Variants in UBQLN1 observed in about 807,000 individuals in gnomAD.
UBQLN1 encodes ubiquilin 1, also known as ubiquilin-1.
In UBQLN1, 13 loss-of-function variants were observed where a neutral mutation model predicts 65.4. The observed-to-expected ratio is 0.20, with a 90% CI of 0.13 to 0.32. UBQLN1 has a LOEUF of 0.32. UBQLN1 is among the 10% of genes least tolerant of loss of function. UBQLN1 has a pLI of 1.00. For synonymous variants in UBQLN1, 267 were observed against 247.8 expected (o/e 1.08, Z -0.73); for missense variants, 561 against 724.0 (o/e 0.77, Z 2.58).
chr9:83,690,026 G>A lies in UBQLN1; in HGVS notation c.181-3871C>T, dbSNP rs1043370027. 5.9e-5 allele frequency among the ~76,000 whole-genome samples: 9 copies of A among 152,298 alleles called. 1 individual carries two copies. Among genetic ancestry groups the A allele is most frequent in the Non-Finnish European group, 1.2e-4 (8 of 68,020 alleles). Reference sequence around the variant, plus strand: ...AGCAACTGGAAACCACACACACTGTGGGTACAAGTATAAATCAGTACATTT... The same window carrying A: ...AGCAACTGGAAACCACACACACTGTAGGTACAAGTATAAATCAGTACATTT... On this transcript the variant is annotated intron_variant, in intron 1 of 10. Coordinates refer to ENST00000376395, the MANE Select transcript of UBQLN1 (RefSeq NM_013438.5).
At chr9:83,687,527 CAAG>C (rs529571828) in intron 1 of UBQLN1, among the ~76,000 whole-genome samples, 22 of 152,232 alleles carry the variant, frequency 1.4e-4, no homozygotes, top group Admixed American at 1.3e-3. Flanking sequence ...AAATTGCTGC[CAAG>C]AAGGTGTTTT....
At chr9:83,685,537 GC>G (rs1832025818) in intron 2 of UBQLN1, among the ~76,000 whole-genome samples, 2 of 151,480 alleles carry the variant, frequency 1.3e-5, no homozygotes, top group African/African-American at 4.9e-5. Context: ...GGACACTGTG[GC>G]ACGCACCTAC....
chr9:83,663,455 T>C (rs1831594962), intron 10 of UBQLN1, among the ~76,000 whole-genome samples: 1 of 152,050 alleles, frequency 6.6e-6, no homozygotes, highest in African/African-American at 2.4e-5. Context: ...GGAGTTAAGG[T>C]AGTTAGGACT....
Position 83,686,168 on chromosome 9 carries a change from A to G in UBQLN1, c.181-13T>C. On this transcript the variant is annotated splice_polypyrimidine_tract_variant and intron_variant, in intron 1 of 10. Transcript: ENST00000376395. ...TTTCTTCCTTAAACTAAATAAAAAT[A>G]AAATAAGTATGTATTACAGTTGTTT... 1.3e-6 allele frequency: 2 copies of G among 1,507,298 alleles called. No individual in the cohort carries two copies. Among genetic ancestry groups the G allele is most frequent in the Non-Finnish European group, 1.8e-6 (2 of 1,116,770 alleles). 93.4% of individuals were successfully genotyped at this position (1,507,298 alleles called of 1,614,324 possible).
At chr9:83,705,950 T>C (rs1057200772) in intron 1 of UBQLN1, among the ~76,000 whole-genome samples, 2 of 149,228 alleles carry the variant, frequency 1.3e-5, no homozygotes, top group Non-Finnish European at 3.0e-5. Context: ...AAAAAAAAAC[T>C]GGGTGGTTGA....
At chr9:83,670,553 A>C (rs77214744) in intron 6 of UBQLN1, among the ~76,000 whole-genome samples, 2 of 151,986 alleles carry the variant, frequency 1.3e-5, no homozygotes, top group African/African-American at 4.8e-5. Flanking sequence ...CTAAAAAAAA[A>C]CTCTGCACAT....
chr9:83,679,635 TGTTGA>T (rs1831907064), intron 4 of UBQLN1, 135 bp downstream of exon 4: 2 of 866,212 alleles, frequency 2.3e-6, no homozygotes, highest in East Asian at 2.7e-5. Context: ...ATTAGCGCTT[TGTTGA>T]GTTTTCTTAA....
chr9:83,670,728 G>A (rs1277912553), intron 6 of UBQLN1, among the ~76,000 whole-genome samples: 1 of 152,150 alleles, frequency 6.6e-6, no homozygotes, highest in Non-Finnish European at 1.5e-5. Context: ...ATTTACCACA[G>A]CAGAACTTTC....
At chr9:83,704,001 C>T (rs765667428) in intron 1 of UBQLN1, among the ~76,000 whole-genome samples, 10 of 152,160 alleles carry the variant, frequency 6.6e-5, no homozygotes, top group Non-Finnish European at 1.2e-4. Context: ...AAGGAATCTA[C>T]ATTACATAGA....
At chr9:83,689,086 T>C (rs1023854902) in intron 1 of UBQLN1, among the ~76,000 whole-genome samples, 2 of 152,170 alleles carry the variant, frequency 1.3e-5, no homozygotes, top group African/African-American at 4.8e-5. Flanking sequence ...CACCCACCTA[T>C]GGCTCATCAC....
intron 1 of UBQLN1, among the ~76,000 whole-genome samples, chr9:83,697,387 C>T (rs1832234634): frequency 6.6e-6 from 1 of 150,840 alleles, no homozygotes; most frequent in African/African-American, 2.4e-5. Flanking sequence ...CCCGTCTCTA[C>T]TAAAAATACA....
chr9:83,670,880 C>T (rs1355079362), intron 6 of UBQLN1, among the ~76,000 whole-genome samples: 1 of 152,204 alleles, frequency 6.6e-6, no homozygotes, highest in Non-Finnish European at 1.5e-5. Context: ...ACTCTTTGCT[C>T]ATCTACAAAA....
chr9:83,676,764 T>C (rs10868038), intron 6 of UBQLN1, among the ~76,000 whole-genome samples: 39,916 of 152,134 alleles, frequency 0.26, 6,511 homozygotes, highest in East Asian at 0.8. Context: ...TTTTAAAACA[T>C]GCCCAGTCTA....
At position 83,661,662 on chromosome 9, in the gene UBQLN1, A is replaced by G; in HGVS notation, c.*125T>C. On this transcript the variant is annotated 3_prime_UTR_variant, in exon 11 of 11. Coordinates refer to ENST00000376395, the MANE Select transcript of UBQLN1 (RefSeq NM_013438.5). ...CTTACTGTACTCCACCTTAAAATGC[A>G]TCATATTGGGTTTGTTTATAACAGC... is the stretch of plus-strand genomic sequence containing the variant. The G allele has an allele frequency of 7.7e-6, 8 of 1,043,886 alleles. No homozygotes were observed. Among genetic ancestry groups the G allele is most frequent in the Non-Finnish European group, 9.4e-6 (7 of 748,390 alleles). The allele number at this position is 1,043,886 out of a possible 1,614,324, so 64.7% of individuals were successfully genotyped here. A position where few individuals can be genotyped will look rare whatever the true frequency, so the allele number is the denominator to read the frequency against.
At chr9:83,669,449 T>TATA in intron 6 of UBQLN1, 122 bp from the exon 7 acceptor site, 3 of 919,502 alleles carry the variant, frequency 3.3e-6, no homozygotes, top group South Asian at 2.0e-5. Context: ...ACATATTATG[T>TATA]ATCAACTGAA....
intron 2 of UBQLN1, among the ~76,000 whole-genome samples, chr9:83,683,654 GAGATGGAGGT>G (rs1456421533): frequency 8.5e-5 from 13 of 152,270 alleles, no homozygotes; most frequent in Middle Eastern, 3.4e-3. Context: ...GCTTATGTAA[GAGATGGAGGT>G]AGGTTATCTC....
intron 1 of UBQLN1, among the ~76,000 whole-genome samples, chr9:83,696,668 G>A (rs575153855): frequency 6.5e-4 from 98 of 151,892 alleles, no homozygotes; most frequent in African/African-American, 2.2e-3. Flanking sequence ...ATCCCAACTA[G>A]GTACAAAATA....
chr9:83,666,625 G>C (rs999107370), intron 7 of UBQLN1, 192 bp from the exon 8 acceptor site: 1 of 497,850 alleles, frequency 2.0e-6, no homozygotes, highest in African/African-American at 1.9e-5. Context: ...ACAAAAAAAT[G>C]AGGCATATTC....
chr9:83,672,204 A>T (rs1431905901), intron 6 of UBQLN1, among the ~76,000 whole-genome samples: 1 of 152,166 alleles, frequency 6.6e-6, no homozygotes, highest in East Asian at 1.9e-4. Flanking sequence ...AGATCACTAC[A>T]ATTTTCTCCA....
Sources: allele counts gnomAD v4.1 joint callset (sites outside exome capture counted in the v4.1 genomes callset), GRCh38; gene constraint gnomAD v4.1.1; transcripts MANE v1.5; gene names NCBI Gene and HGNC (gene_info 2026-07-23, HGNC 2026-07-21).